The following SLC26A5 variants were observed in gnomAD, a reference collection of about 807,000 sequenced individuals.
SLC26A5 encodes solute carrier family 26 member 5, also known as prestin.
SLC26A5 carries 51 observed loss-of-function variants against 81.0 expected under a neutral mutation model. The ratio of observed to expected loss-of-function variants is 0.63; its 90% CI spans 0.50 to 0.80. The LOEUF (loss-of-function observed/expected upper bound fraction) is 0.80. Among genes scored for constraint, SLC26A5 ranks in the 30% least tolerant of loss-of-function variants. The pLI is 0.00. For synonymous variants in SLC26A5, 325 were observed against 332.8 expected, an observed-to-expected ratio of 0.98 and a Z score of 0.25; for missense variants, 771 against 905.8, an observed-to-expected ratio of 0.85 and a Z score of 1.91.
chr7:103,377,923 T>C (rs1821480053), intron 17 of SLC26A5, 124 bp from the exon 18 acceptor site: 2 of 887,922 alleles, frequency 2.3e-6, no homozygotes, highest in South Asian at 2.8e-5. Flanking sequence ...AGACCCCTTG[T>C]AAAATATTTG....
chr7:103,362,861 T>C lies in SLC26A5; in HGVS notation c.2042-9935A>G. 3.4e-6 allele frequency: 3 copies of C among 888,300 alleles called. No homozygotes were observed. In the South Asian group the frequency reaches 4.7e-5, roughly 14 times the overall value. 55.0% of individuals were successfully genotyped at this position (888,300 alleles called of 1,614,324 possible). ...CAGGCTGGAGTAGAATGGTGTGATCTTGGCTCACTGCAACCTCTGCCTCCC... is the reference window on the plus strand; with the variant it reads ...CAGGCTGGAGTAGAATGGTGTGATCCTGGCTCACTGCAACCTCTGCCTCCC... On this transcript the variant is annotated intron_variant, in intron 19 of 19. Coordinates refer to the SLC26A5 transcript ENST00000339444.
At chr7:103,362,587 T>C (rs1820473364) in intron 19 of SLC26A5, 1 of 1,453,848 alleles carries the variant, frequency 6.9e-7, no homozygotes, top group African/African-American at 1.4e-5. Context: ...GTCTCTCTCT[T>C]GTTTTCTTAA....
chr7:103,371,870 A>G (rs992317784), downstream of SLC26A5, among the ~76,000 whole-genome samples: 4 of 150,462 alleles, frequency 2.7e-5, no homozygotes, highest in African/African-American at 9.8e-5. Flanking sequence ...TCACTTTTGT[A>G]TTTTTAAATA....
intron 14 of SLC26A5, among the ~76,000 whole-genome samples, chr7:103,385,251 TC>T: frequency 6.6e-6 from 1 of 151,994 alleles, no homozygotes; most frequent in African/African-American, 2.4e-5. Flanking sequence ...AAGCTCCGCC[TC>T]CCCGGGTTCA....
intron 1 of SLC26A5, among the ~76,000 whole-genome samples, chr7:103,443,851 T>A (rs1291153013): frequency 6.6e-6 from 1 of 152,228 alleles, no homozygotes; most frequent in African/African-American, 2.4e-5. Flanking sequence ...CGTTCTGAAG[T>A]GAGCTTTCAT....
intron 1 of SLC26A5, among the ~76,000 whole-genome samples, chr7:103,444,273 CTTAACT>C (rs1473954668): frequency 3.3e-5 from 5 of 152,056 alleles, no homozygotes; most frequent in Admixed American, 6.5e-5. Context: ...TCTTATTTTT[CTTAACT>C]TTATTAACTT....
chr7:103,379,381 G>T, intron 15 of SLC26A5, 46 bp from the exon 16 acceptor site: 1 of 1,262,750 alleles, frequency 7.9e-7, no homozygotes, highest in Non-Finnish European at 1.1e-6. Flanking sequence ...AAATATTTCA[G>T]AATCAAAACT....
intron 19 of SLC26A5, among the ~76,000 whole-genome samples, chr7:103,376,190 C>T (rs1030709963): frequency 6.6e-6 from 1 of 152,066 alleles, no homozygotes; most frequent in African/African-American, 2.4e-5. Flanking sequence ...ATCCTCCCAC[C>T]TCAGCCTCCC....
intron 19 of SLC26A5, chr7:103,361,920 A>C (rs1464668050): frequency 6.3e-6 from 10 of 1,579,436 alleles, no homozygotes; most frequent in Non-Finnish European, 8.6e-6. Context: ...TTAGTGGCTT[A>C]GGTTCCTTAT....
chr7:103,411,433 GA>G lies in SLC26A5; in HGVS notation c.556del (p.Ser186GlnfsTer8). 6.2e-7 allele frequency: 1 copy of G among 1,614,112 alleles called. No individual in the cohort carries two copies. Among genetic ancestry groups the G allele is most frequent in the Non-Finnish European group, 8.5e-7 (1 of 1,180,012 alleles). On this transcript the variant is annotated frameshift_variant, in exon 6 of 20. Coordinates refer to ENST00000306312, the MANE Select transcript of SLC26A5 (RefSeq NM_198999.3). LOFTEE classifies it high-confidence loss of function. ...VKVAMSVTLL[S>X]GIIQFCLGVC... ...TTTGAGCCTTACCTGAATGATTCCTGAAAGTAAGGTCACAGACATGGCGACT... is the reference window on the plus strand; with the variant it reads ...TTTGAGCCTTACCTGAATGATTCCTGAAGTAAGGTCACAGACATGGCGACT...
In SLC26A5 at chr7:103,411,486, T is replaced by C. The variant is rs999458669; in HGVS notation, c.504A>G (p.Thr168=). ...TCACTCTCAAGGCATCTCTGGCCTC[T>C]GTGCCATTGGTTGCATTTACTCCTC... is the stretch of plus-strand genomic sequence containing the variant. ...IPGGVNATNG[T]EARDALRVKV... is the part of the protein sequence containing the mutation. Residue 168 remains threonine (T), a synonymous_variant, in exon 6 of 20, where the codon ACA becomes ACG. Coordinates refer to ENST00000306312, the MANE Select transcript of SLC26A5 (RefSeq NM_198999.3). 3.1e-6 allele frequency: 5 copies of C among 1,614,118 alleles called. No homozygotes were observed. Among genetic ancestry groups the C allele is most frequent in the Non-Finnish European group, 3.4e-6 (4 of 1,180,040 alleles).
chr7:103,419,880 C>T (rs6955482), intron 4 of SLC26A5, among the ~76,000 whole-genome samples: 47,260 of 151,824 alleles, frequency 0.31, 11,208 homozygotes, highest in African/African-American at 0.67. Context: ...ATATTTTCCT[C>T]CATTTTGCTT....
chr7:103,409,516 C>A (rs1036656565), intron 7 of SLC26A5, among the ~76,000 whole-genome samples: 7 of 151,894 alleles, frequency 4.6e-5, no homozygotes, highest in African/African-American at 9.7e-5. Flanking sequence ...TGTGAAAAAA[C>A]ATTGAATTTT....
At position 103,378,924 on chromosome 7, in the gene SLC26A5, C is replaced by T. The variant is rs150462224; in HGVS notation, c.1677+319G>A. Among the ~76,000 whole-genome samples the T allele has an allele frequency of 2.3e-3, 356 of 152,124 alleles. 3 individuals carry two copies. The highest frequency in any genetic ancestry group is 8.1e-3 in the African/African-American group (337 of 41,496). ...ACATGACCAAAGGAATCTACATGAT[C>T]CCAAGAATAAGAAACCTAAAATTAT... On this transcript the variant is annotated intron_variant, in intron 16 of 19. Coordinates refer to ENST00000306312, the MANE Select transcript of SLC26A5 (RefSeq NM_198999.3).
intron 18 of SLC26A5, 81 bp downstream of exon 18, chr7:103,377,518 C>A (rs1385468701): frequency 9.2e-6 from 12 of 1,309,766 alleles, no homozygotes; most frequent in Non-Finnish European, 1.3e-5. Context: ...GAAAAGAGAG[C>A]CTAGCCCACC....
At chr7:103,434,621 G>A (rs1330731720) in intron 2 of SLC26A5, among the ~76,000 whole-genome samples, 8 of 151,004 alleles carry the variant, frequency 5.3e-5, no homozygotes, top group Non-Finnish European at 1.0e-4. Context: ...TCAAAATTTG[G>A]TTGTGCATTC....
chr7:103,363,397 G>A, intron 19 of SLC26A5: 1 of 1,614,080 alleles, frequency 6.2e-7, no homozygotes, highest in South Asian at 1.1e-5. Context: ...GTAAGGAACA[G>A]ATTGAGAAAC....
At chr7:103,383,086 C>T (rs1257429450) in intron 14 of SLC26A5, among the ~76,000 whole-genome samples, 6 of 152,210 alleles carry the variant, frequency 3.9e-5, no homozygotes, top group Non-Finnish European at 8.8e-5. Flanking sequence ...AACATCACTT[C>T]TGCCAACAAG....
rs1027715621 is a variant in SLC26A5 at position 103,443,989 on chromosome 7, A to G, written c.-182-778T>C. On this transcript the variant is annotated intron_variant, in intron 1 of 19. Coordinates refer to ENST00000306312, the MANE Select transcript of SLC26A5 (RefSeq NM_198999.3). The stretch of plus-strand genomic sequence containing the variant: ...AAAGAGTCCTGTCCCCTCCTTCATA[A>G]TCCTCTAGAATACAATTGTTTTCAA... Among the ~76,000 whole-genome samples, 5 of 152,158 alleles carry G rather than the reference A, an allele frequency of 3.3e-5. No homozygotes were observed. In the East Asian group the frequency reaches 5.8e-4, roughly 18 times the overall value.
Sources: gnomAD v4.1 joint callset for allele counts (sites outside exome capture counted in the v4.1 genomes callset) on GRCh38, gnomAD v4.1.1 for gene constraint, MANE v1.5 for transcripts, NCBI Gene and HGNC (gene_info 2026-07-23, HGNC 2026-07-21) for gene names.